Variants in LATS2 observed in about 807,000 individuals in gnomAD.
LATS2 encodes the protein large tumor suppressor kinase 2.
A neutral mutation model predicts 76.0 loss-of-function variants in LATS2; 24 were observed. That is an observed-to-expected ratio of 0.32 (90% CI 0.23 to 0.44). The LOEUF (loss-of-function observed/expected upper bound fraction) is 0.44, where lower values mean the gene tolerates loss of function less well. Among genes scored for constraint, LATS2 ranks in the 20% least tolerant of loss-of-function variants. The pLI, the probability that LATS2 is intolerant of heterozygous loss-of-function variation, is 1.00. For synonymous variants in LATS2, 692 were observed against 635.4 expected (o/e 1.09, Z -1.34); for missense variants, 1,286 against 1,481.2 (o/e 0.87, Z 2.16).
intron 4 of LATS2, among the ~76,000 whole-genome samples, chr13:20,987,204 TAAAAAATAA>T (rs1870191275): frequency 1.0e-5 from 1 of 98,252 alleles, no homozygotes; most frequent in Non-Finnish European, 2.1e-5. Context: ...AAAAATAAAT[TAAAAAATAA>T]AAAATAAAAA....
chr13:20,982,250 TAC>T (rs1353337436), intron 5 of LATS2, among the ~76,000 whole-genome samples: 1 of 152,250 alleles, frequency 6.6e-6, no homozygotes, highest in Admixed American at 6.5e-5. Flanking sequence ...AGTTCAATGA[TAC>T]ACTACATAGA....
Position 20,983,094 on chromosome 13 carries a change from T to C in LATS2, c.2482+130A>G, listed in dbSNP as rs1023244874. ...AAGGGAAGGATGTCACACCAATTTA[T>C]AAAATAATGGAGTGACAGATAAAAA... is the stretch of plus-strand genomic sequence containing the variant. On this transcript the variant is annotated intron_variant, in intron 5 of 7. Coordinates refer to ENST00000382592, the MANE Select transcript of LATS2 (RefSeq NM_014572.3). 145 of 619,202 alleles carry C rather than the reference T, an allele frequency of 2.3e-4. 1 individual carries two copies. In the South Asian group the frequency reaches 3.0e-3, roughly 13 times the overall value. The allele number at this position is 619,202 out of a possible 1,614,324, so 38.4% of individuals were successfully genotyped here. A position where few individuals can be genotyped will look rare whatever the true frequency, so the allele number is the denominator to read the frequency against.
At chr13:21,025,552 G>A (rs1310930424) in intron 2 of LATS2, among the ~76,000 whole-genome samples, 1 of 152,032 alleles carries the variant, frequency 6.6e-6, no homozygotes, top group Non-Finnish European at 1.5e-5. Context: ...CTACCTTTTG[G>A]TGTCATGCAG....
In LATS2 at chr13:20,983,691, T is replaced by C; in HGVS notation, c.2015A>G (p.Lys672Arg). ...TCCAAAGGCACCGATCCCCAGGGTT[T>C]TGATCTTGACAAACATAGACTTGTC... ...KMDKSMFVKI[K>R]TLGIGAFGEV... The change falls in exon 5 of 8, where the codon AAA becomes AGA. Residue 672 changes from lysine to arginine, a missense_variant. Physicochemically the swap from Lys to Arg is conservative, Grantham distance 26 (BLOSUM62 2). Transcript: ENST00000382592. The C allele has an allele frequency of 6.2e-7, 1 of 1,614,172 alleles. No individual in the cohort carries two copies.
chr13:20,982,858 G>A (rs1039722727), intron 5 of LATS2, among the ~76,000 whole-genome samples: 1 of 151,598 alleles, frequency 6.6e-6, no homozygotes, highest in Non-Finnish European at 1.5e-5. Context: ...AGAGGTGGTG[G>A]TGCGTGACTG....
chr13:20,984,396 A>G (rs138983471), intron 4 of LATS2, among the ~76,000 whole-genome samples: 25 of 152,360 alleles, frequency 1.6e-4, no homozygotes, highest in Non-Finnish European at 2.2e-4. Flanking sequence ...CTAGAACTCC[A>G]AGAGCCATCT....
At chr13:21,028,103 CAG>C (rs966131506) in intron 2 of LATS2, among the ~76,000 whole-genome samples, 5 of 152,118 alleles carry the variant, frequency 3.3e-5, no homozygotes, top group African/African-American at 1.2e-4. Flanking sequence ...CAACAGTCCC[CAG>C]AGTGTGATGT....
intron 1 of LATS2, among the ~76,000 whole-genome samples, chr13:21,052,962 C>A (rs577509023): frequency 2.4e-4 from 37 of 152,220 alleles, no homozygotes; most frequent in Non-Finnish European, 4.4e-4. Context: ...CTGGGCCGGG[C>A]ACGGTGGCTC....
chr13:20,978,151 G>A (rs1453983303), intron 7 of LATS2, among the ~76,000 whole-genome samples: 1 of 152,026 alleles, frequency 6.6e-6, no homozygotes, highest in African/African-American at 2.4e-5. Flanking sequence ...TCCTGACCTC[G>A]TAATCTGCCC....
At chr13:21,051,784 C>T (rs765258918) in intron 1 of LATS2, among the ~76,000 whole-genome samples, 13 of 152,080 alleles carry the variant, frequency 8.5e-5, no homozygotes, top group South Asian at 2.1e-4. Context: ...CAGAGGCAGA[C>T]GGCATTTCTA....
At chr13:20,985,675 T>C (rs1439549588) in intron 4 of LATS2, among the ~76,000 whole-genome samples, 7 of 151,626 alleles carry the variant, frequency 4.6e-5, no homozygotes, top group Non-Finnish European at 1.0e-4. Flanking sequence ...AAGGCAGAGG[T>C]TGCAGTGAGC....
At chr13:20,998,353 T>TCAAA (rs778029181) in intron 2 of LATS2, among the ~76,000 whole-genome samples, 1 of 150,956 alleles carries the variant, frequency 6.6e-6, no homozygotes, top group African/African-American at 2.4e-5. Flanking sequence ...AGACCCTGTC[T>TCAAA]CAAACAAACA....
chr13:21,002,434 G>A (rs1393891139), intron 2 of LATS2, among the ~76,000 whole-genome samples: 1 of 150,708 alleles, frequency 6.6e-6, no homozygotes. Context: ...GAGTGCAGTG[G>A]TGTGAAAACA....
At chr13:21,051,622 C>G (rs1873277047) in intron 1 of LATS2, among the ~76,000 whole-genome samples, 1 of 152,072 alleles carries the variant, frequency 6.6e-6, no homozygotes, top group Admixed American at 6.6e-5. Flanking sequence ...ACCAGGAGAG[C>G]AGTGTCAGTG....
intron 1 of LATS2, among the ~76,000 whole-genome samples, chr13:21,051,087 C>A (rs116671239): frequency 0.098 from 14,876 of 152,228 alleles, 800 homozygotes; most frequent in African/African-American, 0.14. Flanking sequence ...TACGCCGTGT[C>A]AGGGGAGGTG....
intron 2 of LATS2, among the ~76,000 whole-genome samples, chr13:21,029,223 C>T (rs953725053): frequency 6.6e-6 from 1 of 152,204 alleles, no homozygotes; most frequent in Non-Finnish European, 1.5e-5. Flanking sequence ...AGAGGTACCC[C>T]TCAGCAAGTT....
rs1419911271 is a variant in LATS2, at chr13:20,981,644, G to A, written c.2487C>T (p.Ser829=). ...GCTCCATGCTGTCCTGTCTGACATG[G>A]CTCCCTTCACCCAGGAATCAGGGAT... ...THNSKYYQKG[S]HVRQDSMEPS... The change falls in exon 6 of 8, where the codon AGC becomes AGT. Residue 829 remains serine, a synonymous_variant. Transcript: ENST00000382592. The A allele has an allele frequency of 1.3e-6, 2 of 1,596,536 alleles. No individual in the cohort carries two copies. The highest frequency in any genetic ancestry group is 2.2e-5 in the East Asian group (1 of 44,762).
chr13:21,023,675 AAAAAAAAAC>A (rs575973994), intron 2 of LATS2, among the ~76,000 whole-genome samples: 2,448 of 23,872 alleles, frequency 0.1, 601 homozygotes, highest in East Asian at 0.35. Context: ...AAAAAAAAAA[AAAAAAAAAC>A]AAACCTCGGC....
At chr13:21,008,101 G>A (rs2138335980) in intron 2 of LATS2, among the ~76,000 whole-genome samples, 1 of 152,126 alleles carries the variant, frequency 6.6e-6, no homozygotes, top group South Asian at 2.1e-4. Flanking sequence ...CCACCGTGGG[G>A]AGCCAGGTAT....
Sources: allele counts gnomAD v4.1 joint callset (sites outside exome capture counted in the v4.1 genomes callset), GRCh38; gene constraint gnomAD v4.1.1; transcripts MANE v1.5; gene names NCBI Gene and HGNC (gene_info 2026-07-23, HGNC 2026-07-21).